Variants in SLC25A30 observed in about 807,000 individuals in gnomAD.
SLC25A30 encodes the protein kidney mitochondrial carrier protein 1.
In SLC25A30, 29 loss-of-function variants were observed where a neutral mutation model predicts 42.7. The ratio of observed to expected loss-of-function variants is 0.68; its 90% confidence interval spans 0.51 to 0.93. The LOEUF is 0.93. SLC25A30 is among the 40% of genes least tolerant of loss of function. SLC25A30 has a pLI of 0.00. For synonymous variants in SLC25A30, 124 were observed against 131.0 expected (o/e 0.95, Z 0.37); for missense variants, 300 against 359.7 (o/e 0.83, Z 1.34).
chr13:45,397,047 T>C, intron 9 of SLC25A30: 1 of 533,096 alleles, frequency 1.9e-6, no homozygotes, highest in East Asian at 3.3e-5. Flanking sequence ...TCACTACTTT[T>C]GAATAATACC....
intron 1 of SLC25A30, among the ~76,000 whole-genome samples, chr13:45,417,789 A>AGGG (rs1883662280): frequency 6.6e-6 from 1 of 152,186 alleles, no homozygotes. Flanking sequence ...AGACTTCAAA[A>AGGG]CCCAGAGGTA....
Position 45,398,975 on chromosome 13 carries a change from A to G in SLC25A30, c.718T>C (p.Ser240Pro). Residue 240 changes from serine to proline, a missense_variant, in exon 8 of 10, where the codon TCT becomes CCT. Physicochemically the swap from Ser to Pro is moderately conservative, Grantham distance 74. Coordinates refer to ENST00000519676, the MANE Select transcript of SLC25A30 (RefSeq NM_001010875.4). ...CAATCCAGGGTTCCTGTGTAGCCAGAACATCTGCCATCTCGAAGCACTCTC... is the reference window on the plus strand; with the variant it reads ...CAATCCAGGGTTCCTGTGTAGCCAGGACATCTGCCATCTCGAAGCACTCTC... The part of the protein sequence containing the change: ...NQRVLRDGRC[S>P]GYTGTLDCLL... 6.2e-7 allele frequency: 1 copy of G among 1,614,164 alleles called. No homozygotes were observed. The highest frequency in any genetic ancestry group is 1.7e-5 in the Admixed American group (1 of 60,026).
rs943146202 is a variant in SLC25A30 at position 45,393,944 on chromosome 13, C to A, written c.*2030G>T. ...GGTCATTAAAATGAATTTGCTTCTACTGTTTTAAAAATTGTATGCATATTT... is the reference window on the plus strand; with the variant it reads ...GGTCATTAAAATGAATTTGCTTCTAATGTTTTAAAAATTGTATGCATATTT... On this transcript the variant is annotated 3_prime_UTR_variant, in exon 10 of 10. Coordinates refer to ENST00000519676, the MANE Select transcript of SLC25A30 (RefSeq NM_001010875.4). 2 of 985,020 alleles carry A rather than the reference C, an allele frequency of 2.0e-6. No homozygotes were observed. Among genetic ancestry groups the A allele is most frequent in the African/African-American group, 3.5e-5 (2 of 57,184 alleles). 61.0% of individuals were successfully genotyped at this position (985,020 alleles called of 1,614,324 possible). A position where few individuals can be genotyped will look rare whatever the true frequency, so the allele number is the denominator to read the frequency against.
intron 9 of SLC25A30, 68 bp downstream of exon 9, chr13:45,397,190 G>T: frequency 9.6e-7 from 1 of 1,039,824 alleles, no homozygotes; most frequent in Non-Finnish European, 1.5e-6. Context: ...TTAATAACAT[G>T]AGAGTTTATA....
intron 2 of SLC25A30, among the ~76,000 whole-genome samples, chr13:45,409,756 C>A (rs1882844077): frequency 6.6e-6 from 1 of 152,144 alleles, no homozygotes; most frequent in Non-Finnish European, 1.5e-5. Context: ...TTGCAGTGAG[C>A]CGAGATCACG....
chr13:45,413,035 A>C (rs1449755830), intron 1 of SLC25A30, among the ~76,000 whole-genome samples: 1 of 152,240 alleles, frequency 6.6e-6, no homozygotes. Flanking sequence ...ACCACAAGTC[A>C]CCACTGCCCA....
At chr13:45,399,645 G>T (rs1881725115) in intron 7 of SLC25A30, among the ~76,000 whole-genome samples, 1 of 152,084 alleles carries the variant, frequency 6.6e-6, no homozygotes, top group South Asian at 2.1e-4. Flanking sequence ...AAGAATACCT[G>T]ACATTCTAGA....
chr13:45,425,541 T>TATAA, the SLC25A30 span, among the ~76,000 whole-genome samples: 2 of 58,650 alleles, frequency 3.4e-5, no homozygotes, highest in South Asian at 3.6e-4. Context: ...TGTATAAGTA[T>TATAA]ATATATATAA....
chr13:45,406,314 C>T (rs1235580753), intron 3 of SLC25A30, among the ~76,000 whole-genome samples: 2 of 152,156 alleles, frequency 1.3e-5, no homozygotes, highest in Admixed American at 6.5e-5. Context: ...AACTCCTGAC[C>T]TCAGGCCTCG....
At chr13:45,410,889 G>A (rs1472405994) in intron 2 of SLC25A30, among the ~76,000 whole-genome samples, 1 of 152,176 alleles carries the variant, frequency 6.6e-6, no homozygotes, top group African/African-American at 2.4e-5. Context: ...ACCCTAAACT[G>A]CTAATAGCAG....
intron 5 of SLC25A30, among the ~76,000 whole-genome samples, chr13:45,403,793 A>G (rs1882229003): frequency 6.6e-6 from 1 of 152,010 alleles, no homozygotes; most frequent in Non-Finnish European, 1.5e-5. Context: ...AAAATTAGCT[A>G]GGCACGGTGG....
At chr13:45,425,579 TATATAA>T in the SLC25A30 span, among the ~76,000 whole-genome samples, 1 of 87,810 alleles carries the variant, frequency 1.1e-5, no homozygotes, top group South Asian at 2.8e-4. Flanking sequence ...TATAAGTATA[TATATAA>T]ATATATATAT....
chr13:45,407,088 C>A (rs1044804173), intron 3 of SLC25A30, among the ~76,000 whole-genome samples: 31 of 152,088 alleles, frequency 2.0e-4, no homozygotes, highest in African/African-American at 7.5e-4. Flanking sequence ...ATGGCAAAAC[C>A]CCATCTCTAT....
chr13:45,403,204 G>T (rs564118974), intron 5 of SLC25A30, among the ~76,000 whole-genome samples: 5 of 152,304 alleles, frequency 3.3e-5, no homozygotes, highest in East Asian at 1.9e-4. Flanking sequence ...TATGGCAAAG[G>T]TACCTTGTAT....
At chr13:45,425,581 TATAA>T in the SLC25A30 span, among the ~76,000 whole-genome samples, 28 of 88,136 alleles carry the variant, frequency 3.2e-4, 2 homozygotes, top group East Asian at 4.7e-3. Context: ...TAAGTATATA[TATAA>T]ATATATATAT....
At chr13:45,397,993 C>G (rs1881537024) in intron 8 of SLC25A30, 8 of 985,292 alleles carry the variant, frequency 8.1e-6, no homozygotes, top group Non-Finnish European at 9.6e-6. Context: ...AGATATCATT[C>G]AGAGTACCAC....
intron 4 of SLC25A30, among the ~76,000 whole-genome samples, chr13:45,404,841 G>A (rs1390207520): frequency 1.3e-5 from 2 of 152,160 alleles, no homozygotes; most frequent in East Asian, 1.9e-4. Context: ...TATGTTTCAT[G>A]AATCAAGTAA....
intron 7 of SLC25A30, among the ~76,000 whole-genome samples, chr13:45,400,647 C>T (rs910083605): frequency 1.3e-5 from 2 of 152,046 alleles, no homozygotes; most frequent in East Asian, 1.9e-4. Context: ...TAGCCATGCA[C>T]CACCATGCCC....
At chr13:45,425,188 A>G in the SLC25A30 span, among the ~76,000 whole-genome samples, 7 of 99,530 alleles carry the variant, frequency 7.0e-5, no homozygotes, top group African/African-American at 3.0e-4. Flanking sequence ...ATATATATAC[A>G]TATATAAATA....
Sources: gnomAD v4.1 joint callset for allele counts (sites outside exome capture counted in the v4.1 genomes callset) on GRCh38, gnomAD v4.1.1 for gene constraint, MANE v1.5 for transcripts, NCBI Gene and HGNC (gene_info 2026-07-23, HGNC 2026-07-21) for gene names.